The following GREB1L variants were observed in gnomAD, a reference collection of about 807,000 sequenced individuals.
The protein encoded by GREB1L is GREB1-like protein.
In GREB1L, 17 loss-of-function variants were observed where a neutral mutation model predicts 200.8. The ratio of observed to expected loss-of-function variants is 0.08; its 90% CI spans 0.06 to 0.13. GREB1L has a LOEUF of 0.13. Among genes scored for constraint, GREB1L ranks in the 10% least tolerant of loss-of-function variants. GREB1L has a pLI of 1.00. For synonymous variants in GREB1L, 789 were observed against 893.0 expected, an observed-to-expected ratio of 0.88 and a Z score of 2.08; for missense variants, 1,657 against 2,367.7, an observed-to-expected ratio of 0.70 and a Z score of 6.23.
chr18:21,399,701 AGTT>A (rs1336395845), intron 5 of GREB1L, among the ~76,000 whole-genome samples: 1 of 152,218 alleles, frequency 6.6e-6, no homozygotes, highest in Non-Finnish European at 1.5e-5. Context: ...GGCGGTAATA[AGTT>A]GTTAATTCTA....
At chr18:21,415,374 G>C (rs2031527397) in intron 7 of GREB1L, among the ~76,000 whole-genome samples, 6 of 152,072 alleles carry the variant, frequency 3.9e-5, no homozygotes, top group Admixed American at 3.9e-4. Flanking sequence ...AAATTAGTTA[G>C]GCATGATGGC....
Position 21,384,323 on chromosome 18 carries a change from A to G in GREB1L, c.275A>G (p.Asp92Gly). Residue 92 changes from aspartate (D) to glycine (G), a missense_variant, in exon 4 of 33, where the codon GAT becomes GGT. By Grantham distance (94) the Asp-to-Gly change is moderately conservative. This residue lies in a region of GREB1L where 121 missense variants were observed against 126.6 expected (regional missense o/e 0.96). Coordinates refer to ENST00000424526, the MANE Select transcript of GREB1L (RefSeq NM_001142966.3). ...AATGAAATGGAAGATGATGAAGACG[A>G]TGAAGAAATGTCTGATTCAAACAGC... is the stretch of plus-strand genomic sequence containing the variant. The part of the protein sequence containing the change: ...TVNEMEDDED[D>G]EEMSDSNSPP... The G allele has an allele frequency of 1.9e-6, 3 of 1,551,764 alleles. No individual in the cohort carries two copies. The highest frequency in any genetic ancestry group is 1.7e-6 in the Non-Finnish European group (2 of 1,146,856).
At chr18:21,315,883 G>A (rs1449287697) in intron 1 of GREB1L, among the ~76,000 whole-genome samples, 2 of 152,086 alleles carry the variant, frequency 1.3e-5, no homozygotes, top group Non-Finnish European at 2.9e-5. Context: ...TTTCAGCCCC[G>A]CAGCAAGAGG....
chr18:21,453,528 A>T (rs1352972873), intron 14 of GREB1L, among the ~76,000 whole-genome samples: 2 of 152,260 alleles, frequency 1.3e-5, no homozygotes, highest in Non-Finnish European at 2.9e-5. Context: ...TTAGCTGACT[A>T]AACTTCTTTC....
At chr18:21,490,936 G>A (rs1230085555) in intron 19 of GREB1L, among the ~76,000 whole-genome samples, 4 of 152,164 alleles carry the variant, frequency 2.6e-5, no homozygotes, top group Non-Finnish European at 5.9e-5. Flanking sequence ...TTTGCCAGGC[G>A]CCCTACAGAA....
intron 1 of GREB1L, among the ~76,000 whole-genome samples, chr18:21,250,463 G>T (rs1567907989): frequency 6.6e-6 from 1 of 152,312 alleles, no homozygotes; most frequent in East Asian, 1.9e-4. Flanking sequence ...GAGGATGAAT[G>T]TGCATTTTAA....
At chr18:21,345,483 T>C (rs2039331410) in intron 1 of GREB1L, among the ~76,000 whole-genome samples, 1 of 152,218 alleles carries the variant, frequency 6.6e-6, no homozygotes, top group African/African-American at 2.4e-5. Flanking sequence ...TGTGTTTGAT[T>C]CCTGGCACCA....
At chr18:21,447,281 T>C (rs2034275479) in intron 11 of GREB1L, among the ~76,000 whole-genome samples, 1 of 151,962 alleles carries the variant, frequency 6.6e-6, no homozygotes. Context: ...AGAGACCCTG[T>C]CTCTAATTAA....
intron 1 of GREB1L, among the ~76,000 whole-genome samples, chr18:21,334,509 T>C (rs1339269035): frequency 6.6e-6 from 1 of 152,202 alleles, no homozygotes; most frequent in Non-Finnish European, 1.5e-5. Flanking sequence ...TGTTACATTT[T>C]GTCTTGCTGG....
At position 21,260,441 on chromosome 18, in the gene GREB1L, ACAATAATATTT is replaced by A. The variant is rs549378310; in HGVS notation, c.-120+18049_-120+18059del. On this transcript the variant is annotated intron_variant, in intron 1 of 32. Coordinates refer to ENST00000424526, the MANE Select transcript of GREB1L (RefSeq NM_001142966.3). ...AGATTAATTAGAACTTATTCCTTGT[ACAATAATATTT>A]TAGCTTTAAACTGTTAGTCCTTTAT... 9.8e-4 allele frequency among the ~76,000 whole-genome samples: 149 copies of A among 152,128 alleles called. 1 individual carries two copies. The highest frequency in any genetic ancestry group is 3.2e-3 in the African/African-American group (132 of 41,566).
chr18:21,481,612 A>G (rs1423403479), intron 17 of GREB1L, among the ~76,000 whole-genome samples: 1 of 151,934 alleles, frequency 6.6e-6, no homozygotes, highest in Non-Finnish European at 1.5e-5. Context: ...AAGAAACAGA[A>G]TATTACCACC....
intron 7 of GREB1L, among the ~76,000 whole-genome samples, chr18:21,432,513 T>C (rs933314500): frequency 2.6e-5 from 4 of 151,990 alleles, no homozygotes; most frequent in Non-Finnish European, 4.4e-5. Context: ...GGTACAACTT[T>C]ATTTTTTTCC....
chr18:21,278,379 T>G (rs909119840), intron 1 of GREB1L, among the ~76,000 whole-genome samples: 1 of 73,562 alleles, frequency 1.4e-5, no homozygotes, highest in African/African-American at 5.1e-5. Context: ...AGACTCCATC[T>G]CAAAAAAAAA....
intron 2 of GREB1L, among the ~76,000 whole-genome samples, chr18:21,374,798 G>A (rs528314208): frequency 1.1e-4 from 16 of 149,594 alleles, no homozygotes; most frequent in South Asian, 2.1e-4. Context: ...CCCAAGTGCA[G>A]TACTTGAAAA....
chr18:21,414,555 A>T (rs1329052919), intron 7 of GREB1L, among the ~76,000 whole-genome samples: 1 of 152,198 alleles, frequency 6.6e-6, no homozygotes, highest in Admixed American at 6.5e-5. Flanking sequence ...AGTTCAAGAT[A>T]CAGGTAGATG....
In GREB1L at chr18:21,452,135, T is replaced by C. The variant is rs533033666; in HGVS notation, c.1902T>C (p.Ser634=). Residue 634 remains serine, a synonymous_variant, in exon 14 of 33, where the codon AGT becomes AGC. Coordinates refer to ENST00000424526, the MANE Select transcript of GREB1L (RefSeq NM_001142966.3). The part of the protein sequence containing the change: ...LEKMQQRRGD[S]VVTPFDGDLN... Reference sequence around the variant, plus strand: ...AAATGCAACAAAGAAGAGGAGACAGTGTGGTTACCCCTTTCGATGGAGACC... The same window carrying C: ...AAATGCAACAAAGAAGAGGAGACAGCGTGGTTACCCCTTTCGATGGAGACC... 35 of 1,551,972 alleles carry C rather than the reference T, an allele frequency of 2.3e-5. No individual in the cohort carries two copies. The Middle Eastern group carries it at 8.3e-4, about 37-fold the overall frequency.
chr18:21,284,850 G>GT (rs564757979), intron 1 of GREB1L, among the ~76,000 whole-genome samples: 1 of 151,806 alleles, frequency 6.6e-6, no homozygotes, highest in Non-Finnish European at 1.5e-5. Flanking sequence ...GCTACTGTCT[G>GT]TTTTTTTTCT....
intron 7 of GREB1L, among the ~76,000 whole-genome samples, chr18:21,431,530 G>A (rs2033152886): frequency 6.6e-6 from 1 of 152,058 alleles, no homozygotes; most frequent in South Asian, 2.1e-4. Context: ...TTGTTTTATG[G>A]CCTAACATAT....
intron 1 of GREB1L, among the ~76,000 whole-genome samples, chr18:21,296,525 C>T (rs188614700): frequency 2.7e-3 from 404 of 152,140 alleles, no homozygotes; most frequent in Non-Finnish European, 4.6e-3. Flanking sequence ...CAAACCTCAG[C>T]ATCACTCAGT....
Sources: allele counts gnomAD v4.1 joint callset (sites outside exome capture counted in the v4.1 genomes callset), GRCh38; gene constraint gnomAD v4.1.1; regional missense constraint gnomAD v4.1.1; transcripts MANE v1.5; gene names NCBI Gene and HGNC (gene_info 2026-07-23, HGNC 2026-07-21).